Variants in CTNNBL1 observed in about 807,000 individuals in gnomAD.
CTNNBL1 encodes the protein catenin beta like 1.
Under a neutral mutation model 72.7 loss-of-function variants are expected in CTNNBL1, and 31 were observed. The ratio of observed to expected loss-of-function variants is 0.43; its 90% CI spans 0.32 to 0.58. The LOEUF is 0.58. CTNNBL1 is among the 20% of genes least tolerant of loss of function. CTNNBL1 has a pLI of 0.08. For synonymous variants in CTNNBL1, 240 were observed against 267.3 expected (o/e 0.90, Z 1.00); for missense variants, 534 against 725.1 (o/e 0.74, Z 3.03).
intron 1 of CTNNBL1, chr20:37,727,304 G>C: frequency 1.0e-6 from 1 of 981,074 alleles, no homozygotes; most frequent in Non-Finnish European, 1.2e-6. Flanking sequence ...GTTTTCAGGG[G>C]CATGGATGGA....
chr20:37,706,179 G>C (rs1320632648), intron 1 of CTNNBL1, among the ~76,000 whole-genome samples: 1 of 152,168 alleles, frequency 6.6e-6, no homozygotes. Context: ...TCCTTTTGCT[G>C]GCTGCTGACT....
intron 11 of CTNNBL1, among the ~76,000 whole-genome samples, chr20:37,808,261 T>G (rs1268554436): frequency 6.6e-6 from 1 of 152,218 alleles, no homozygotes; most frequent in Non-Finnish European, 1.5e-5. Flanking sequence ...TCAGGAAGCA[T>G]ACGGCTGCCT....
chr20:37,734,054 A>G (rs1174649970), intron 2 of CTNNBL1, among the ~76,000 whole-genome samples: 1 of 152,160 alleles, frequency 6.6e-6, no homozygotes, highest in Non-Finnish European at 1.5e-5. Context: ...TCACTCTGGC[A>G]TTTTGTTCAA....
chr20:37,709,300 C>T (rs2072917309), intron 1 of CTNNBL1, among the ~76,000 whole-genome samples: 1 of 152,150 alleles, frequency 6.6e-6, no homozygotes, highest in Non-Finnish European at 1.5e-5. Flanking sequence ...TGGCATTATT[C>T]ATGTGCTCAT....
At chr20:37,780,786 G>A (rs1159140939) in intron 10 of CTNNBL1, among the ~76,000 whole-genome samples, 3 of 152,094 alleles carry the variant, frequency 2.0e-5, no homozygotes, top group East Asian at 1.9e-4. Context: ...AACTTTAAGC[G>A]AAATGATGTA....
At chr20:37,838,190 G>C (rs757893649) in intron 11 of CTNNBL1, among the ~76,000 whole-genome samples, 4 of 152,256 alleles carry the variant, frequency 2.6e-5, no homozygotes, top group African/African-American at 9.6e-5. Context: ...CATTTAGTCT[G>C]AGTTGGGGAG....
At chr20:37,846,830 G>A (rs71351547) in intron 13 of CTNNBL1, among the ~76,000 whole-genome samples, 5 of 152,148 alleles carry the variant, frequency 3.3e-5, no homozygotes, top group Non-Finnish European at 5.9e-5. Context: ...GTAAAATGTC[G>A]CCTCCTCAGA....
In CTNNBL1 at chr20:37,702,519, C is replaced by A. The variant is rs138735895; in HGVS notation, c.30+8367C>A. ...TAATCATGAAGTCATTTTATATAGGCTCTTTTTGCATGTCAGTTTAGTACA... is the reference window on the plus strand; with the variant it reads ...TAATCATGAAGTCATTTTATATAGGATCTTTTTGCATGTCAGTTTAGTACA... On this transcript the variant is annotated intron_variant, in intron 1 of 15. Transcript: ENST00000361383. 2.4e-3 allele frequency among the ~76,000 whole-genome samples: 370 copies of A among 152,248 alleles called. 4 individuals are homozygous for A. The highest frequency in any genetic ancestry group is 7.7e-3 in the African/African-American group (321 of 41,530).
intron 10 of CTNNBL1, among the ~76,000 whole-genome samples, chr20:37,781,965 T>A (rs1184208376): frequency 1.3e-5 from 2 of 152,186 alleles, no homozygotes; most frequent in Non-Finnish European, 2.9e-5. Flanking sequence ...CTCTGGATAT[T>A]TGGTGAGTTA....
At chr20:37,752,483 T>C (rs1320828130) in intron 4 of CTNNBL1, among the ~76,000 whole-genome samples, 1 of 152,190 alleles carries the variant, frequency 6.6e-6, no homozygotes, top group African/African-American at 2.4e-5. Context: ...GAATCTATAC[T>C]GGTTTATTTG....
At chr20:37,713,500 G>A (rs1279576590) in intron 1 of CTNNBL1, among the ~76,000 whole-genome samples, 1 of 152,174 alleles carries the variant, frequency 6.6e-6, no homozygotes, top group Non-Finnish European at 1.5e-5. Context: ...CCTTGTGTGA[G>A]GCAGAGGCAC....
In CTNNBL1 at chr20:37,871,305, G is replaced by A. The variant is rs550100358; in HGVS notation, c.1604-620G>A. On this transcript the variant is annotated intron_variant, in intron 15 of 15. Coordinates refer to ENST00000361383, the MANE Select transcript of CTNNBL1 (RefSeq NM_030877.5). ...AGCTGGTGTCTGTCTTAGTCTGTTCGTGCTGCTGTAACAAAATCCCTGAGA... is the reference window on the plus strand; with the variant it reads ...AGCTGGTGTCTGTCTTAGTCTGTTCATGCTGCTGTAACAAAATCCCTGAGA... 2.6e-5 allele frequency among the ~76,000 whole-genome samples: 4 copies of A among 152,288 alleles called. No individual in the cohort carries two copies. The East Asian group carries it at 5.8e-4, about 22-fold the overall frequency.
Position 37,757,643 on chromosome 20 carries a change from T to C in CTNNBL1, c.551T>C (p.Leu184Pro). 6.2e-7 allele frequency: 1 copy of C among 1,612,938 alleles called. No individual in the cohort carries two copies. Among genetic ancestry groups the C allele is most frequent in the Non-Finnish European group, 8.5e-7 (1 of 1,179,128 alleles). Reference protein sequence around the residue: ...LHESEEGAEVLIDALVDGQVV... With the variant: ...LHESEEGAEVPIDALVDGQVV... ...GAGAGTGAAGAGGGAGCAGAAGTGC[T>C]CATCGATGCTCTGGTAAGTTGCACA... The change falls in exon 5 of 16, where the codon CTC becomes CCC. Residue 184 changes from leucine to proline, a missense_variant. Physicochemically the swap from Leu to Pro is moderately conservative, Grantham distance 98. Coordinates refer to ENST00000361383, the MANE Select transcript of CTNNBL1 (RefSeq NM_030877.5).
chr20:37,721,245 A>C (rs2073038314), intron 1 of CTNNBL1, among the ~76,000 whole-genome samples: 1 of 152,164 alleles, frequency 6.6e-6, no homozygotes. Flanking sequence ...TGTCTCTTTT[A>C]ATGCACAGTA....
At chr20:37,723,067 C>G (rs1226150237) in intron 1 of CTNNBL1, among the ~76,000 whole-genome samples, 2 of 152,204 alleles carry the variant, frequency 1.3e-5, no homozygotes, top group African/African-American at 2.4e-5. Context: ...AATCAACATT[C>G]AGCTTTCTGA....
intron 13 of CTNNBL1, among the ~76,000 whole-genome samples, chr20:37,859,524 G>A (rs2072471519): frequency 6.6e-6 from 1 of 151,932 alleles, no homozygotes; most frequent in Non-Finnish European, 1.5e-5. Context: ...CTTACAGAGA[G>A]ATTATTTATG....
intron 1 of CTNNBL1, among the ~76,000 whole-genome samples, chr20:37,699,146 A>T (rs1443698030): frequency 2.6e-5 from 4 of 152,216 alleles, no homozygotes; most frequent in Non-Finnish European, 4.4e-5. Context: ...CTAAATCCTC[A>T]TAACAACCCT....
chr20:37,803,172 C>G (rs1156310276), intron 11 of CTNNBL1, 124 bp downstream of exon 11: 2 of 818,658 alleles, frequency 2.4e-6, no homozygotes, highest in Non-Finnish European at 3.7e-6. Flanking sequence ...CTTTTTCTTA[C>G]TATTTTCTTA....
intron 10 of CTNNBL1, among the ~76,000 whole-genome samples, chr20:37,798,421 G>A (rs1298352236): frequency 6.6e-6 from 1 of 152,262 alleles, no homozygotes; most frequent in East Asian, 1.9e-4. Context: ...GTTCTGGCGT[G>A]ATCGACAGCC....
Sources: gnomAD v4.1 joint callset for allele counts (sites outside exome capture counted in the v4.1 genomes callset) on GRCh38, gnomAD v4.1.1 for gene constraint, MANE v1.5 for transcripts, NCBI Gene and HGNC (gene_info 2026-07-23, HGNC 2026-07-21) for gene names.